The following KLHDC8B variants were observed in gnomAD, a reference collection of about 807,000 sequenced individuals.
KLHDC8B encodes kelch domain-containing protein 8B.
Under a neutral mutation model 26.3 loss-of-function variants are expected in KLHDC8B, and 19 were observed. That is an observed-to-expected ratio of 0.72 (90% confidence interval 0.50 to 1.06). KLHDC8B has a LOEUF of 1.06. KLHDC8B is among the 50% of genes least tolerant of loss of function. The pLI is 0.00. For missense variants in KLHDC8B, 411 were observed against 488.1 expected, an observed-to-expected ratio of 0.84 and a Z score of 1.49; for synonymous variants, 150 against 188.4, an observed-to-expected ratio of 0.80 and a Z score of 1.67.
intron 5 of KLHDC8B, 104 bp downstream of exon 5, chr3:49,175,267 C>A: frequency 1.1e-6 from 1 of 900,806 alleles, no homozygotes; most frequent in South Asian, 1.6e-5. Flanking sequence ...CTCCAGGGGT[C>A]AGGGCTTTGT....
In KLHDC8B at chr3:49,173,078, T is replaced by A; in HGVS notation, c.309T>A (p.Asp103Glu). 1 of 1,597,670 alleles carries A rather than the reference T, an allele frequency of 6.3e-7. No homozygotes were observed. Among genetic ancestry groups the A allele is most frequent in the Non-Finnish European group, 8.5e-7 (1 of 1,172,404 alleles). The change falls in exon 2 of 6, where the codon GAT (aspartate) becomes GAA (glutamate). Residue 103 changes from aspartate (D) to glutamate (E), a missense_variant. Transcript: ENST00000332780. ...CTGCTGTAGAGGCCTTCCTGATGGA[T>A]GAGGGCCGCTGGGAGCGTCGGGCCA... ...PVAAVEAFLM[D>E]EGRWERRATL...
intron 2 of KLHDC8B, 154 bp from the exon 3 acceptor site, chr3:49,174,085 C>T (rs2107659089): frequency 1.9e-6 from 1 of 526,386 alleles, no homozygotes; most frequent in South Asian, 3.2e-5. Flanking sequence ...ATCTCCCAGC[C>T]CCCACTGCAG....
rs1259624669 is a variant in KLHDC8B at position 49,174,893 on chromosome 3, G to A, written c.693G>A (p.Gln231=). ...GCGTCTTTAGCCTGGGTGGCCTGCA[G>A]CAGCCTGGGCCCCACAACTTCTACT... ...EGSVFSLGGL[Q]QPGPHNFYSR... The change falls in exon 4 of 6, where the codon CAG becomes CAA. Residue 231 remains glutamine, a synonymous_variant. Transcript: ENST00000332780. 2 of 1,614,226 alleles carry A rather than the reference G, an allele frequency of 1.2e-6. No individual in the cohort carries two copies. Among genetic ancestry groups the A allele is most frequent in the Non-Finnish European group, 1.7e-6 (2 of 1,180,046 alleles).
At chr3:49,173,384 C>G (rs1344336962) in intron 2 of KLHDC8B, among the ~76,000 whole-genome samples, 2 of 152,166 alleles carry the variant, frequency 1.3e-5, no homozygotes, top group Non-Finnish European at 2.9e-5. Context: ...ATGGGAGACC[C>G]CAGCCATGTT....
intron 3 of KLHDC8B, 109 bp from the exon 4 acceptor site, chr3:49,174,633 G>C: frequency 2.1e-6 from 3 of 1,412,916 alleles, no homozygotes; most frequent in Non-Finnish European, 2.8e-6. Context: ...GTGCAAGTGT[G>C]CACACAGCAG....
intron 2 of KLHDC8B, 123 bp downstream of exon 2, chr3:49,173,268 G>A: frequency 1.9e-6 from 2 of 1,035,086 alleles, no homozygotes; most frequent in Non-Finnish European, 2.7e-6. Context: ...CCCAGGATGT[G>A]GCCTTGTCCC....
chr3:49,175,005 G>T, intron 4 of KLHDC8B, 39 bp downstream of exon 4: 1 of 1,613,986 alleles, frequency 6.2e-7, no homozygotes, highest in African/African-American at 1.3e-5. Context: ...CCCGCTCTCT[G>T]TGGGATGGAG....
In KLHDC8B at chr3:49,175,626, G is replaced by A; in HGVS notation, c.890G>A (p.Gly297Asp). 1 of 1,575,214 alleles carries A rather than the reference G, an allele frequency of 6.3e-7. No homozygotes were observed. Among genetic ancestry groups the A allele is most frequent in the South Asian group, 1.2e-5 (1 of 84,580 alleles). The change falls in exon 6 of 6, where the codon GGC (glycine) becomes GAC (aspartate). Residue 297 changes from glycine (G) to aspartate (D), a missense_variant. Coordinates refer to ENST00000332780, the MANE Select transcript of KLHDC8B (RefSeq NM_173546.3). Reference sequence around the variant, plus strand: ...GCAGGAAACCAGCCATGTCCTTTGGGCTCTGTGGAGAGCTTTAGCCTTGCA... The same window carrying A: ...GCAGGAAACCAGCCATGTCCTTTGGACTCTGTGGAGAGCTTTAGCCTTGCA... ...GGLGNQPCPL[G>D]SVESFSLARR... is the part of the protein sequence containing the mutation.
Position 49,172,971 on chromosome 3 carries a change from G to T in KLHDC8B, c.202G>T (p.Ala68Ser). 6.2e-7 allele frequency: 1 copy of T among 1,613,960 alleles called. No homozygotes were observed. Among genetic ancestry groups the T allele is most frequent in the Middle Eastern group, 1.6e-4 (1 of 6,062 alleles). The change falls in exon 2 of 6, where the codon GCC (alanine) becomes TCC (serine). Residue 68 changes from alanine (A) to serine (S), a missense_variant. Physicochemically the swap from Ala to Ser is moderately conservative, Grantham distance 99 (BLOSUM62 1). Transcript: ENST00000332780. ...TWLALAPLPTARAGAAAVVLG... is the reference protein window; with the variant it reads ...TWLALAPLPTSRAGAAAVVLG... ...GCTGGCACTGGCACCCCTGCCCACT[G>T]CCCGGGCTGGTGCAGCTGCGGTAGT...
chr3:49,175,689 C>A lies in KLHDC8B; in HGVS notation c.953C>A (p.Ala318Asp), dbSNP rs775233701. 2 of 1,613,276 alleles carry A rather than the reference C, an allele frequency of 1.2e-6. No individual in the cohort carries two copies. Among genetic ancestry groups the A allele is most frequent in the Admixed American group, 1.7e-5 (1 of 59,974 alleles). The change falls in exon 6 of 6, where the codon GCC becomes GAC. Residue 318 changes from alanine (A) to aspartate (D), a missense_variant. By Grantham distance (126) the Ala-to-Asp change is moderately radical (BLOSUM62 -2). Coordinates refer to ENST00000332780, the MANE Select transcript of KLHDC8B (RefSeq NM_173546.3). ...RWEALPAMPT[A>D]RCSCSSLQAG... Reference sequence around the variant, plus strand: ...GAGGCATTGCCTGCCATGCCCACTGCCCGCTGCTCCTGCTCTAGTCTGCAG... The same window carrying A: ...GAGGCATTGCCTGCCATGCCCACTGACCGCTGCTCCTGCTCTAGTCTGCAG...
rs1419134591 is a variant in KLHDC8B, at chr3:49,172,745, T to C, written c.-25T>C. 1.3e-6 allele frequency: 2 copies of C among 1,597,518 alleles called. No homozygotes were observed. The highest frequency in any genetic ancestry group is 1.1e-5 in the South Asian group (1 of 87,754). On this transcript the variant is annotated 5_prime_UTR_variant, in exon 2 of 6. It removes an upstream start codon present in the reference 5' UTR. Transcript: ENST00000332780. ...AGGCCTACAGTCTGAGCAGACAGCA[T>C]GGCCTGCCACTGGCAGTGAACACCA...
intron 1 of KLHDC8B, 150 bp from the exon 2 acceptor site, chr3:49,172,486 A>G (rs2045776309): frequency 2.2e-6 from 1 of 456,170 alleles, no homozygotes; most frequent in Non-Finnish European, 4.0e-6. Context: ...GAGGGCCTCC[A>G]CAGTGGTGTG....
Position 49,172,774 on chromosome 3 carries a change from C to A in KLHDC8B, c.5C>A (p.Ser2Tyr). The A allele has an allele frequency of 1.9e-6, 3 of 1,611,400 alleles. No homozygotes were observed. The highest frequency in any genetic ancestry group is 2.5e-6 in the Non-Finnish European group (3 of 1,178,588). The change falls in exon 2 of 6, where the codon TCT becomes TAT. Residue 2 changes from serine (S) to tyrosine (Y), a missense_variant. Ser to Tyr is a moderately radical substitution (Grantham distance 144). Coordinates refer to ENST00000332780, the MANE Select transcript of KLHDC8B (RefSeq NM_173546.3). ...CTGCCACTGGCAGTGAACACCATGT[C>A]TGCAGGAGGTGGCCGGGCCTTTGCT... M[S>Y]AGGGRAFAWQ...
intron 3 of KLHDC8B, 145 bp from the exon 4 acceptor site, chr3:49,174,597 G>A: frequency 1.6e-6 from 2 of 1,269,254 alleles, no homozygotes; most frequent in South Asian, 1.5e-5. Context: ...CCCAGTACCT[G>A]AGGGACTGTA....
chr3:49,174,380 A>T lies in KLHDC8B; in HGVS notation c.518A>T (p.His173Leu). The change falls in exon 3 of 6, where the codon CAC becomes CTC. Residue 173 changes from histidine (H) to leucine (L), a missense_variant. By Grantham distance (99) the His-to-Leu change is moderately conservative. Coordinates refer to ENST00000332780, the MANE Select transcript of KLHDC8B (RefSeq NM_173546.3). ...TPCYGASTFLHGNKIYVLGGR... is the reference protein window; with the variant it reads ...TPCYGASTFLLGNKIYVLGGR... ...TGCTATGGGGCCTCCACCTTCCTGCACGGGAACAAGATCTATGTCCTGGGT... is the reference window on the plus strand; with the variant it reads ...TGCTATGGGGCCTCCACCTTCCTGCTCGGGAACAAGATCTATGTCCTGGGT... The T allele has an allele frequency of 6.2e-7, 1 of 1,613,672 alleles. No individual in the cohort carries two copies. The highest frequency in any genetic ancestry group is 8.5e-7 in the Non-Finnish European group (1 of 1,179,794).
chr3:49,176,121 A>C lies in KLHDC8B; in HGVS notation c.*320A>C, dbSNP rs1373467905. On this transcript the variant is annotated 3_prime_UTR_variant, in exon 6 of 6. Coordinates refer to ENST00000332780, the MANE Select transcript of KLHDC8B (RefSeq NM_173546.3). ...AGCTGGCCTCATGCTCTTCAGGGTC[A>C]GTTCCTATCTGGAGTTGACCAGGCC... 3.1e-5 allele frequency: 10 copies of C among 322,440 alleles called. No individual in the cohort carries two copies. Among genetic ancestry groups the C allele is most frequent in the Admixed American group, 2.5e-4 (5 of 20,398 alleles). 20.0% of individuals were successfully genotyped at this position (322,440 alleles called of 1,614,324 possible).
chr3:49,172,697 G>A lies in KLHDC8B; in HGVS notation c.-73G>A. 1 of 1,483,928 alleles carries A rather than the reference G, an allele frequency of 6.7e-7. No individual in the cohort carries two copies. The allele number at this position is 1,483,928 out of a possible 1,614,324, so 91.9% of individuals were successfully genotyped here. A position where few individuals can be genotyped will look rare whatever the true frequency, so the allele number is the denominator to read the frequency against. ...TGTGGCCCTGGCAGAATCAAGATGAGGCCCTGTCATGCCTCCCCAGTGAGG... is the reference window on the plus strand; with the variant it reads ...TGTGGCCCTGGCAGAATCAAGATGAAGCCCTGTCATGCCTCCCCAGTGAGG... On this transcript the variant is annotated 5_prime_UTR_variant, in exon 2 of 6. Transcript: ENST00000332780.
At chr3:49,174,174 G>C in intron 2 of KLHDC8B, 65 bp from the exon 3 acceptor site, 1 of 1,295,568 alleles carries the variant, frequency 7.7e-7, no homozygotes, top group South Asian at 1.4e-5. Flanking sequence ...ACTTACCAGG[G>C]CAGCTGTCAG....
intron 2 of KLHDC8B, 76 bp downstream of exon 2, chr3:49,173,221 C>A: frequency 7.2e-7 from 1 of 1,398,242 alleles, no homozygotes; most frequent in Non-Finnish European, 9.6e-7. Flanking sequence ...CCCTTACCCT[C>A]AGAGACTGAA....
Sources: gnomAD v4.1 joint callset for allele counts (sites outside exome capture counted in the v4.1 genomes callset) on GRCh38, gnomAD v4.1.1 for gene constraint, MANE v1.5 for transcripts, NCBI Gene and HGNC (gene_info 2026-07-23, HGNC 2026-07-21) for gene names.